The following BBS5 variants were observed in gnomAD, a reference collection of about 807,000 sequenced individuals.
The protein encoded by BBS5 is Bardet-Biedl syndrome 5.
A neutral mutation model predicts 50.2 loss-of-function variants in BBS5; 39 were observed. The ratio of observed to expected loss-of-function variants is 0.78; its 90% confidence interval spans 0.60 to 1.01. The LOEUF is 1.01. BBS5 is among the 50% of genes least tolerant of loss of function. The probability of loss-of-function intolerance (pLI) is 0.00; values close to 1 mark genes in which losing one functional copy is unlikely to be tolerated. For missense variants in BBS5, 356 were observed against 401.5 expected (o/e 0.89, Z 0.97); for synonymous variants, 134 against 133.1 (o/e 1.01, Z -0.05).
Position 169,505,595 on chromosome 2 carries a change from C to T in BBS5, c.*1013C>T, listed in dbSNP as rs1486456973. On this transcript the variant is annotated 3_prime_UTR_variant, in exon 12 of 12. Coordinates refer to ENST00000295240, the MANE Select transcript of BBS5 (RefSeq NM_152384.3). ...CCATCGTCTGAGATGTGGGGAGCAC[C>T]TCTGCCCGGCCGCGACCCCATTTGG... The T allele has an allele frequency of 2.3e-5, 6 of 260,634 alleles. 1 individual carries two copies. Among genetic ancestry groups the T allele is most frequent in the Non-Finnish European group, 4.6e-5 (6 of 131,522 alleles). 16.1% of individuals were successfully genotyped at this position (260,634 alleles called of 1,614,324 possible). A position where few individuals can be genotyped will look rare whatever the true frequency, so the allele number is the denominator to read the frequency against.
At position 169,482,572 on chromosome 2, in the gene BBS5, A is replaced by G. The variant is rs1426854354; in HGVS notation, c.142+239A>G. ...TCACCTTTATCCATTGTAGCTGTTAAAACTCAAGTAGACCTGTTTGCAAGG... is the reference window on the plus strand; with the variant it reads ...TCACCTTTATCCATTGTAGCTGTTAGAACTCAAGTAGACCTGTTTGCAAGG... On this transcript the variant is annotated intron_variant, in intron 2 of 11. Transcript: ENST00000295240. 6.3e-6 allele frequency: 3 copies of G among 476,582 alleles called. No homozygotes were observed. The East Asian group carries it at 1.2e-4, about 19-fold the overall frequency. The allele number at this position is 476,582 out of a possible 1,614,324, so 29.5% of individuals were successfully genotyped here.
chr2:169,487,400 G>C (rs1683504367), intron 3 of BBS5, among the ~76,000 whole-genome samples: 2 of 151,934 alleles, frequency 1.3e-5, no homozygotes, highest in Admixed American at 6.6e-5. Flanking sequence ...CCCCTGTTTT[G>C]ATTAATCCCA....
intron 9 of BBS5, among the ~76,000 whole-genome samples, chr2:169,500,009 A>G (rs1683769651): frequency 6.6e-6 from 1 of 152,180 alleles, no homozygotes; most frequent in Admixed American, 6.5e-5. Context: ...GTACTCCACA[A>G]TATAGCAACT....
intron 7 of BBS5, among the ~76,000 whole-genome samples, chr2:169,495,321 T>C (rs891012203): frequency 6.6e-6 from 1 of 152,268 alleles, no homozygotes; most frequent in Middle Eastern, 3.2e-3. Context: ...TAATGTGTTA[T>C]AGCTTGCCTA....
rs1186597551 is a variant in BBS5, at chr2:169,482,329, T to C, written c.138T>C (p.Asp46=). Residue 46 remains aspartate (D), a synonymous_variant, in exon 2 of 12, where the codon GAT becomes GAC. Transcript: ENST00000295240. ...SIEDTKGNNG[D]RGRLLVTNLR... ...AAGACACCAAAGGAAATAATGGAGA[T>C]AGAGGTGAGTATATTTTTAAATGTA... 1.3e-6 allele frequency: 2 copies of C among 1,552,668 alleles called. No individual in the cohort carries two copies. Among genetic ancestry groups the C allele is most frequent in the Non-Finnish European group, 1.8e-6 (2 of 1,124,216 alleles).
chr2:169,480,735 G>A (rs1050739402), intron 1 of BBS5, among the ~76,000 whole-genome samples: 1 of 124,646 alleles, frequency 8.0e-6, no homozygotes, highest in Non-Finnish European at 1.6e-5. Context: ...AGGCTGGAGT[G>A]CAATGACGCG....
chr2:169,497,269 C>T (rs1028407850), intron 7 of BBS5, among the ~76,000 whole-genome samples: 1 of 152,164 alleles, frequency 6.6e-6, no homozygotes, highest in African/African-American at 2.4e-5. Context: ...CTGTGGTGTG[C>T]TATGATCACA....
chr2:169,493,969 T>G, intron 7 of BBS5, 133 bp downstream of exon 7: 1 of 630,934 alleles, frequency 1.6e-6, no homozygotes, highest in South Asian at 2.0e-5. Flanking sequence ...GAGCATATTT[T>G]AAAGATGCTG....
At chr2:169,499,172 C>G (rs925343626) in intron 8 of BBS5, 32 of 289,166 alleles carry the variant, frequency 1.1e-4, no homozygotes, top group Non-Finnish European at 2.0e-4. Context: ...TTCAGATGAA[C>G]TTATATTTGA....
chr2:169,494,873 C>G (rs1683667146), intron 7 of BBS5, among the ~76,000 whole-genome samples: 1 of 152,072 alleles, frequency 6.6e-6, no homozygotes. Flanking sequence ...ATTGAGTAGA[C>G]AGAATGTATG....
rs1202276526 is a variant in BBS5 at position 169,504,600 on chromosome 2, T to C, written c.*18T>C. 2 of 1,543,310 alleles carry C rather than the reference T, an allele frequency of 1.3e-6. No individual in the cohort carries two copies. The highest frequency in any genetic ancestry group is 1.7e-5 in the Admixed American group (1 of 59,928). ...TGAGTTGATTGACCTTGAGTTGAGA[T>C]GGATTTCTATTAAAGATATCTCTAG... On this transcript the variant is annotated 3_prime_UTR_variant, in exon 12 of 12. Coordinates refer to ENST00000295240, the MANE Select transcript of BBS5 (RefSeq NM_152384.3).
intron 5 of BBS5, among the ~76,000 whole-genome samples, chr2:169,489,462 C>CA (rs939892818): frequency 0.074 from 10,596 of 142,302 alleles, 553 homozygotes; most frequent in African/African-American, 0.14. Context: ...GACTCTGTCT[C>CA]AAAAAAAAAA....
At chr2:169,496,737 C>T (rs1347537948) in intron 7 of BBS5, among the ~76,000 whole-genome samples, 1 of 151,906 alleles carries the variant, frequency 6.6e-6, no homozygotes, top group South Asian at 2.1e-4. Flanking sequence ...GGCATAGTGG[C>T]GGGCGCCTGT....
chr2:169,482,577 CAAG>C (rs1235998978), intron 2 of BBS5: 2 of 467,946 alleles, frequency 4.3e-6, no homozygotes, highest in Non-Finnish European at 7.8e-6. Context: ...TGTTAAAACT[CAAG>C]TAGACCTGTT....
chr2:169,503,712 G>A (rs1683849486), intron 10 of BBS5, among the ~76,000 whole-genome samples: 2 of 152,080 alleles, frequency 1.3e-5, no homozygotes, highest in Admixed American at 1.3e-4. Flanking sequence ...TTGAACAATA[G>A]CTTTCCTATT....
intron 1 of BBS5, among the ~76,000 whole-genome samples, chr2:169,480,567 T>C (rs1480076278): frequency 6.6e-6 from 1 of 151,930 alleles, no homozygotes; most frequent in Non-Finnish European, 1.5e-5. Flanking sequence ...AGATATCTAA[T>C]GCTAACATGT....
At chr2:169,495,466 C>T (rs1391564280) in intron 7 of BBS5, among the ~76,000 whole-genome samples, 4 of 152,162 alleles carry the variant, frequency 2.6e-5, no homozygotes, top group African/African-American at 9.6e-5. Context: ...AACTTGCAAT[C>T]TGATATCATC....
Position 169,505,252 on chromosome 2 carries a change from T to G in BBS5, c.*670T>G. On this transcript the variant is annotated 3_prime_UTR_variant, in exon 12 of 12. Coordinates refer to ENST00000295240, the MANE Select transcript of BBS5 (RefSeq NM_152384.3). ...GATTGCAGACGGAGTCTGGTTCACT[T>G]AGTGCTCAATGGTGCCCAGGCTGGA... 1 of 439,542 alleles carries G rather than the reference T, an allele frequency of 2.3e-6. No homozygotes were observed. The highest frequency in any genetic ancestry group is 5.1e-5 in the East Asian group (1 of 19,652). The allele number at this position is 439,542 out of a possible 1,614,324, so 27.2% of individuals were successfully genotyped here. A position where few individuals can be genotyped will look rare whatever the true frequency, so the allele number is the denominator to read the frequency against.
chr2:169,499,769 A>T (rs777045694), intron 9 of BBS5, 149 bp downstream of exon 9: 22 of 796,124 alleles, frequency 2.8e-5, no homozygotes, highest in Non-Finnish European at 4.3e-5. Flanking sequence ...TAGCTCCTGG[A>T]TTATCACTAA....
Sources: gnomAD v4.1 joint callset for allele counts (sites outside exome capture counted in the v4.1 genomes callset) on GRCh38, gnomAD v4.1.1 for gene constraint, MANE v1.5 for transcripts, NCBI Gene and HGNC (gene_info 2026-07-23, HGNC 2026-07-21) for gene names.